FBXL17: variants seen among roughly 807,000 people sequenced by gnomAD.
FBXL17 encodes the protein F-box/LRR-repeat protein 17.
Under a neutral mutation model 66.2 loss-of-function variants are expected in FBXL17, and 22 were observed. That is an observed-to-expected ratio of 0.33 (90% CI 0.24 to 0.47). The LOEUF (loss-of-function observed/expected upper bound fraction) is 0.47. Ranked by LOEUF, FBXL17 falls within the 20% of genes least tolerant of loss-of-function variation. The pLI is 1.00. For synonymous variants in FBXL17, 474 were observed against 400.5 expected, an observed-to-expected ratio of 1.18 and a Z score of -2.19; for missense variants, 878 against 948.2, an observed-to-expected ratio of 0.93 and a Z score of 0.97.
intron 7 of FBXL17, among the ~76,000 whole-genome samples, chr5:107,885,077 T>C (rs1748919104): frequency 6.6e-6 from 1 of 152,196 alleles, no homozygotes; most frequent in Non-Finnish European, 1.5e-5. Flanking sequence ...GCTGTAAATG[T>C]AATGTATCAT....
At chr5:108,090,334 C>A (rs1486473546) in intron 6 of FBXL17, among the ~76,000 whole-genome samples, 1 of 152,124 alleles carries the variant, frequency 6.6e-6, no homozygotes, top group African/African-American at 2.4e-5. Context: ...CCTTGTATTT[C>A]CCTTCATTGT....
chr5:108,155,118 A>G (rs1751943273), intron 6 of FBXL17, among the ~76,000 whole-genome samples: 1 of 152,208 alleles, frequency 6.6e-6, no homozygotes, highest in African/African-American at 2.4e-5. Flanking sequence ...CAATATATAT[A>G]CACATTTTAA....
At chr5:108,018,365 G>A (rs1754462926) in intron 7 of FBXL17, among the ~76,000 whole-genome samples, 1 of 152,174 alleles carries the variant, frequency 6.6e-6, no homozygotes, top group South Asian at 2.1e-4. Context: ...AGTCTCTCCA[G>A]CAGTGCAGTT....
intron 4 of FBXL17, 149 bp downstream of exon 4, chr5:108,348,250 A>G: frequency 1.7e-6 from 1 of 587,054 alleles, no homozygotes; most frequent in Non-Finnish European, 2.8e-6. Context: ...TCAATTTATA[A>G]AATCATCACT....
chr5:107,990,062 T>C (rs1014848819), intron 7 of FBXL17, among the ~76,000 whole-genome samples: 12 of 152,208 alleles, frequency 7.9e-5, no homozygotes, highest in Non-Finnish European at 1.8e-4. Context: ...CAACATATTC[T>C]AGGGATGAAA....
At chr5:108,343,959 G>A (rs900456951) in intron 4 of FBXL17, among the ~76,000 whole-genome samples, 9 of 152,086 alleles carry the variant, frequency 5.9e-5, no homozygotes, top group Non-Finnish European at 1.0e-4. Flanking sequence ...CTCATTTGGC[G>A]CTTTACCTCT....
Position 108,165,018 on chromosome 5 carries a change from G to A in FBXL17, c.1745+21099C>T, listed in dbSNP as rs574179345. Among the ~76,000 whole-genome samples the A allele has an allele frequency of 3.3e-5, 5 of 152,238 alleles. No homozygotes were observed. The South Asian group carries it at 1.0e-3, about 32-fold the overall frequency. ...GTATGGAGAAAGAGACACAGACATC[G>A]AAATTCGATTTCATGAAATTATTCC... On this transcript the variant is annotated intron_variant, in intron 6 of 8. Coordinates refer to ENST00000542267, the MANE Select transcript of FBXL17 (RefSeq NM_001163315.3).
chr5:108,126,645 C>CATATA (rs1750714025), intron 6 of FBXL17, among the ~76,000 whole-genome samples: 2 of 76,036 alleles, frequency 2.6e-5, no homozygotes, highest in African/African-American at 9.4e-5. Flanking sequence ...CTCTCTCTCT[C>CATATA]TCTCTCTATA....
intron 4 of FBXL17, among the ~76,000 whole-genome samples, chr5:108,332,941 C>CAAAAAAAAAAAAAAAAAA (rs34218940): frequency 2.9e-5 from 1 of 34,762 alleles, no homozygotes. Context: ...AAAGCAAAAG[C>CAAAAAAAAAAAAAAAAAA]AAAAAAAAAA....
intron 6 of FBXL17, among the ~76,000 whole-genome samples, chr5:108,161,286 C>T (rs577166070): frequency 6.6e-6 from 1 of 152,194 alleles, no homozygotes; most frequent in African/African-American, 2.4e-5. Context: ...AGTTCGACAC[C>T]AGCCTCGGCA....
chr5:108,370,535 G>A (rs1377281926), intron 1 of FBXL17, among the ~76,000 whole-genome samples: 4 of 152,092 alleles, frequency 2.6e-5, no homozygotes, highest in African/African-American at 4.8e-5. Context: ...ATGAGGTCAC[G>A]AGTACAAGAC....
intron 8 of FBXL17, among the ~76,000 whole-genome samples, chr5:107,867,935 C>T (rs1370012347): frequency 6.6e-6 from 1 of 152,196 alleles, no homozygotes; most frequent in African/African-American, 2.4e-5. Flanking sequence ...CGCTTCTCTT[C>T]AGCATGGTTT....
At chr5:107,907,221 A>G (rs2112541136) in intron 7 of FBXL17, among the ~76,000 whole-genome samples, 1 of 152,294 alleles carries the variant, frequency 6.6e-6, no homozygotes, top group East Asian at 1.9e-4. Context: ...CAGTGTAACG[A>G]ATAAGGAGTA....
intron 7 of FBXL17, among the ~76,000 whole-genome samples, chr5:108,010,557 C>T (rs1037843504): frequency 6.3e-4 from 96 of 152,130 alleles, no homozygotes; most frequent in African/African-American, 2.3e-3. Context: ...CAGAAAAACA[C>T]AGTGATGTAA....
intron 6 of FBXL17, among the ~76,000 whole-genome samples, chr5:108,085,739 A>G (rs1380645943): frequency 2.0e-5 from 3 of 152,178 alleles, no homozygotes. Context: ...GTTTGAGACC[A>G]GCCTGGGCAA....
At chr5:107,911,089 T>C (rs974485119) in intron 7 of FBXL17, among the ~76,000 whole-genome samples, 23 of 152,102 alleles carry the variant, frequency 1.5e-4, no homozygotes, top group Admixed American at 1.4e-3. Flanking sequence ...TATGTGAGAA[T>C]AAGTAAGATA....
intron 6 of FBXL17, among the ~76,000 whole-genome samples, chr5:108,169,395 A>C (rs919873370): frequency 2.6e-5 from 4 of 152,242 alleles, no homozygotes; most frequent in Admixed American, 6.5e-5. Flanking sequence ...ATCTGTAGAA[A>C]GAAATGTTAT....
intron 4 of FBXL17, among the ~76,000 whole-genome samples, chr5:108,244,537 AC>A (rs953049417): frequency 2.3e-4 from 35 of 152,188 alleles, no homozygotes; most frequent in African/African-American, 8.4e-4. Context: ...AACAAGGGCT[AC>A]CCACTATTCA....
At chr5:107,937,815 G>A in intron 7 of FBXL17, among the ~76,000 whole-genome samples, 1 of 152,100 alleles carries the variant, frequency 6.6e-6, no homozygotes, top group East Asian at 1.9e-4. Flanking sequence ...AGGGGTCACT[G>A]GCAGCACTCT....
Sources: allele counts gnomAD v4.1 joint callset (sites outside exome capture counted in the v4.1 genomes callset), GRCh38; gene constraint gnomAD v4.1.1; transcripts MANE v1.5; gene names NCBI Gene and HGNC (gene_info 2026-07-23, HGNC 2026-07-21).